Variants in BTD observed in about 807,000 individuals in gnomAD.
The protein encoded by BTD is biocytinase.
Under a neutral mutation model 17.7 loss-of-function variants are expected in BTD, and 13 were observed. That is an observed-to-expected ratio of 0.74 (90% CI 0.48 to 1.17). The LOEUF (loss-of-function observed/expected upper bound fraction) is 1.17. BTD is among the 50% of genes most tolerant of loss of function. The pLI is 0.00. For synonymous variants in BTD, 240 were observed against 245.2 expected, an observed-to-expected ratio of 0.98 and a Z score of 0.20; for missense variants, 674 against 650.4, an observed-to-expected ratio of 1.04 and a Z score of -0.39.
chr3:15,663,874 T>G (rs2065950665), intron 3 of BTD, among the ~76,000 whole-genome samples: 1 of 152,238 alleles, frequency 6.6e-6, no homozygotes, highest in South Asian at 2.1e-4. Context: ...TTCTCTAGTT[T>G]CCTAAGGTGA....
At chr3:15,668,504 T>C (rs712870) in intron 3 of BTD, 33,520 of 152,384 alleles carry the variant, frequency 0.22, 6,028 homozygotes, top group East Asian at 0.58. Flanking sequence ...TTATAATTTC[T>C]GTAAATATTT....
At position 15,644,788 on chromosome 3, in the gene BTD, GT is replaced by G. The variant is rs397514395; in HGVS notation, c.873del (p.Ser291ArgfsTer23). ...VHHPVLGMTG[S>X]GIHTPLESFW... ...CACCCAGTTCTGGGGATGACAGGAA[GT>G]GGCATACACACCCCTCTGGAGTCCT... On this transcript the variant is annotated frameshift_variant, in exon 4 of 4. Coordinates refer to ENST00000643237, the MANE Select transcript of BTD (RefSeq NM_001370658.1). LOFTEE classifies it low-confidence loss of function (END_TRUNC). The G allele has an allele frequency of 1.9e-5, 31 of 1,614,044 alleles. No individual in the cohort carries two copies. Among genetic ancestry groups the G allele is most frequent in the Non-Finnish European group, 2.4e-5 (28 of 1,180,048 alleles).
intron 4 of BTD, among the ~76,000 whole-genome samples, chr3:15,718,802 A>T (rs2073373653): frequency 6.6e-6 from 1 of 152,204 alleles, no homozygotes; most frequent in Non-Finnish European, 1.5e-5. Flanking sequence ...GACTGAGAAA[A>T]CTTGGTTGTG....
At chr3:15,710,799 G>A (rs1009342022) in exon 4 of BTD, among the ~76,000 whole-genome samples, 2 of 151,864 alleles carry the variant, frequency 1.3e-5, no homozygotes, top group African/African-American at 4.8e-5. Flanking sequence ...CCTAGTAGAG[G>A]TAAGACACAG....
chr3:15,601,538 C>G (rs1414091685), upstream of BTD: 1 of 1,605,574 alleles, frequency 6.2e-7, no homozygotes, highest in Admixed American at 1.7e-5. Context: ...AACGCGAAAT[C>G]GGCAGCACGC....
intron 3 of BTD, among the ~76,000 whole-genome samples, chr3:15,661,507 T>C (rs1330342494): frequency 6.6e-6 from 1 of 152,180 alleles, no homozygotes; most frequent in Non-Finnish European, 1.5e-5. Context: ...TTGCTTGTGT[T>C]CTTATTTGTG....
chr3:15,634,438 C>T (rs1434326231), intron 1 of BTD, among the ~76,000 whole-genome samples: 1 of 152,060 alleles, frequency 6.6e-6, no homozygotes, highest in East Asian at 1.9e-4. Flanking sequence ...AGCTGGGAGG[C>T]CAGGCTGATT....
Position 15,694,961 on chromosome 3 carries a change from C to T in BTD, c.400-15099C>T, listed in dbSNP as rs2069325651. The T allele has an allele frequency of 4.9e-6, 4 of 812,946 alleles. No individual in the cohort carries two copies. The Admixed American group carries it at 7.7e-5, about 16-fold the overall frequency. 50.4% of individuals were successfully genotyped at this position (812,946 alleles called of 1,614,324 possible). A position where few individuals can be genotyped will look rare whatever the true frequency, so the allele number is the denominator to read the frequency against. The stretch of plus-strand genomic sequence containing the variant: ...GATTATTATGAAAGTATACTAAGGA[C>T]CACAGACTAAGAGCTTTGAAGACAG... On this transcript the variant is annotated intron_variant, in intron 3 of 3. Transcript: ENST00000672141.
intron 4 of BTD, among the ~76,000 whole-genome samples, chr3:15,719,294 ATC>A (rs2124873800): frequency 6.6e-6 from 1 of 152,252 alleles, no homozygotes; most frequent in Admixed American, 6.5e-5. Flanking sequence ...AGGTGAGAAA[ATC>A]TCATGTAATC....
At chr3:15,709,456 T>C (rs780320905) in intron 3 of BTD, among the ~76,000 whole-genome samples, 16 of 151,972 alleles carry the variant, frequency 1.1e-4, no homozygotes, top group Non-Finnish European at 1.9e-4. Context: ...AAGGCTGTGG[T>C]TGGTAGGCTA....
intron 3 of BTD, among the ~76,000 whole-genome samples, chr3:15,702,207 G>A (rs1421537133): frequency 6.6e-6 from 1 of 152,114 alleles, no homozygotes; most frequent in Non-Finnish European, 1.5e-5. Flanking sequence ...AACCACCTCA[G>A]GTCTTCCCTT....
rs2065629166 is a variant in BTD, at chr3:15,644,347, G to T, written c.431G>T (p.Arg144Met). 6.2e-7 allele frequency: 1 copy of T among 1,613,920 alleles called. No individual in the cohort carries two copies. Among genetic ancestry groups the T allele is most frequent in the African/African-American group, 1.3e-5 (1 of 74,896 alleles). Residue 144 changes from arginine (R) to methionine (M), a missense_variant, in exon 4 of 4, where the codon AGG (arginine) becomes ATG (methionine). By Grantham distance (91) the Arg-to-Met change is moderately conservative (BLOSUM62 -1). Coordinates refer to ENST00000643237, the MANE Select transcript of BTD (RefSeq NM_001370658.1). ...CAGCGCCTGAGTTGTATGGCCATCAGGGGAGATATGTTCTTGGTGGCCAAT... is the reference window on the plus strand; with the variant it reads ...CAGCGCCTGAGTTGTATGGCCATCATGGGAGATATGTTCTTGGTGGCCAAT... The part of the protein sequence containing the change: ...VLQRLSCMAI[R>M]GDMFLVANLG...
chr3:15,619,848 A>AT (rs778504205), intron 1 of BTD, among the ~76,000 whole-genome samples: 1 of 152,256 alleles, frequency 6.6e-6, no homozygotes, highest in Non-Finnish European at 1.5e-5. Context: ...GTGACATCAC[A>AT]TATCAGCAGG....
In BTD at chr3:15,645,316, G is replaced by A. The variant is rs1277029090; in HGVS notation, c.1400G>A (p.Trp467Ter). The A allele has an allele frequency of 6.2e-7, 1 of 1,614,204 alleles. No individual in the cohort carries two copies. Among genetic ancestry groups the A allele is most frequent in the South Asian group, 1.1e-5 (1 of 91,088 alleles). Residue 467 changes from tryptophan to a stop codon, truncating the protein, a stop_gained, in exon 4 of 4, where the codon TGG becomes TAG. Transcript: ENST00000643237. LOFTEE classifies it high-confidence loss of function. ...ACGGGGATATTTGAGTTTCACCTGT[G>A]GGGCAACTTCAGTACTTCCTATATC... ...EATGIFEFHL[W>*]GNFSTSYIFP...
chr3:15,696,045 T>C, intron 3 of BTD: 1 of 899,408 alleles, frequency 1.1e-6, no homozygotes, highest in South Asian at 1.6e-5. Flanking sequence ...AAAATGGAAT[T>C]TGTTCCTTGA....
At chr3:15,660,725 T>A (rs1030824022) in intron 3 of BTD, among the ~76,000 whole-genome samples, 1 of 152,220 alleles carries the variant, frequency 6.6e-6, no homozygotes, top group African/African-American at 2.4e-5. Flanking sequence ...GTTTAAAGTA[T>A]CATACAGAGT....
intron 4 of BTD, among the ~76,000 whole-genome samples, chr3:15,718,661 T>C (rs1292174725): frequency 1.3e-5 from 2 of 151,866 alleles, no homozygotes; most frequent in South Asian, 2.1e-4. Context: ...TCTCTACCTT[T>C]TAAAGACAGC....
At chr3:15,628,084 TCTC>T (rs1257782973) in intron 1 of BTD, among the ~76,000 whole-genome samples, 19 of 152,198 alleles carry the variant, frequency 1.2e-4, no homozygotes. Flanking sequence ...ACCACATTGT[TCTC>T]CACTCTTTGC....
intron 3 of BTD, chr3:15,677,570 GA>G: frequency 6.3e-7 from 1 of 1,595,910 alleles, no homozygotes; most frequent in Non-Finnish European, 8.6e-7. Context: ...TCTCTGGGAG[GA>G]AAAAGTGCAT....
Sources: allele counts gnomAD v4.1 joint callset (sites outside exome capture counted in the v4.1 genomes callset), GRCh38; gene constraint gnomAD v4.1.1; transcripts MANE v1.5; gene names NCBI Gene and HGNC (gene_info 2026-07-23, HGNC 2026-07-21).